MED23: variants seen among roughly 807,000 people sequenced by gnomAD.
MED23 encodes the protein mediator complex subunit 23, also known as mediator of RNA polymerase II transcription subunit 23.
In MED23, 105 loss-of-function variants were observed where a neutral mutation model predicts 163.9. The observed-to-expected ratio is 0.64, with a 90% confidence interval of 0.55 to 0.75. MED23 has a LOEUF of 0.75. MED23 is among the 30% of genes least tolerant of loss of function. The pLI, the probability that MED23 is intolerant of heterozygous loss-of-function variation, is 0.00. For missense variants in MED23, 1,054 were observed against 1,649.0 expected, an observed-to-expected ratio of 0.64 and a Z score of 6.25; for synonymous variants, 561 against 565.6, an observed-to-expected ratio of 0.99 and a Z score of 0.12.
chr6:131,600,304 G>T, intron 17 of MED23, 142 bp from the exon 18 acceptor site: 1 of 821,220 alleles, frequency 1.2e-6, no homozygotes, highest in Non-Finnish European at 1.9e-6. Flanking sequence ...ATTCAGCTTA[G>T]AACCTAAATT....
Position 131,619,840 on chromosome 6 carries a change from T to G in MED23, c.654A>C (p.Ile218=), listed in dbSNP as rs1200476386. The G allele has an allele frequency of 6.2e-7, 1 of 1,609,332 alleles. No individual in the cohort carries two copies. Among genetic ancestry groups the G allele is most frequent in the African/African-American group, 1.3e-5 (1 of 74,830 alleles). Residue 218 remains isoleucine (I), a synonymous_variant, in exon 8 of 29, where the codon ATA becomes ATC. Transcript: ENST00000368068. ...FVDTFRPTAR[I]NSICGRCSLL... is the part of the protein sequence containing the mutation. The stretch of plus-strand genomic sequence containing the variant: ...TTATAATCCTACCACAAATGGAGTT[T>G]ATCCTTGCTGTGGGCCTGAAGGTAT...
intron 4 of MED23, among the ~76,000 whole-genome samples, chr6:131,624,574 T>C (rs1350279190): frequency 1.3e-5 from 2 of 152,212 alleles, no homozygotes; most frequent in African/African-American, 4.8e-5. Flanking sequence ...TATTACTGTT[T>C]TAAGCCATAA....
At chr6:131,583,976 C>CA, downstream of MED23, 1 of 1,550,076 alleles carries the variant, frequency 6.5e-7, no homozygotes, top group Non-Finnish European at 8.9e-7. Flanking sequence ...TTTTCTTAAG[C>CA]ATAGAGTTAT....
chr6:131,621,426 C>T (rs533820921), intron 6 of MED23, among the ~76,000 whole-genome samples: 1 of 151,868 alleles, frequency 6.6e-6, no homozygotes, highest in Non-Finnish European at 1.5e-5. Flanking sequence ...TATTGGGTTT[C>T]AACTGTAGCA....
chr6:131,576,629 A>T (rs769045782), intron 30 of MED23: 2 of 1,579,060 alleles, frequency 1.3e-6, no homozygotes, highest in Non-Finnish European at 1.7e-6. Context: ...TGGTCATGAT[A>T]ATGTCTGAAG....
chr6:131,621,881 C>T lies in MED23; in HGVS notation c.495G>A (p.Glu165=). ...AVVQQLLAAR[E]VIAYILERNA... The stretch of plus-strand genomic sequence containing the variant: ...CGAATTTCAGACATGTCTAAATTAC[C>T]TCTCTTGCTGCCAGAAGCTGCTGTA... The change falls in exon 6 of 29, where the codon GAG becomes GAA. Residue 165 remains glutamate (E), a splice_region_variant and synonymous_variant. Transcript: ENST00000368068. 6.2e-7 allele frequency: 1 copy of T among 1,601,826 alleles called. No individual in the cohort carries two copies. The highest frequency in any genetic ancestry group is 1.1e-5 in the South Asian group (1 of 89,000).
intron 30 of MED23, among the ~76,000 whole-genome samples, chr6:131,580,802 T>G (rs1773881143): frequency 6.6e-6 from 1 of 152,206 alleles, no homozygotes; most frequent in Non-Finnish European, 1.5e-5. Flanking sequence ...CATAATTCAC[T>G]TGAGAGAATT....
Position 131,627,335 on chromosome 6 carries a change from A to G in MED23, c.159+61T>C, listed in dbSNP as rs2114796725. ...ATGAAAGTAAATGTTAAAAGAAAAAAAAAAAAAAAAAGAAGAGGCCAAAAA... is the reference window on the plus strand; with the variant it reads ...ATGAAAGTAAATGTTAAAAGAAAAAGAAAAAAAAAAAGAAGAGGCCAAAAA... On this transcript the variant is annotated intron_variant, in intron 3 of 28. Transcript: ENST00000368068. The G allele has an allele frequency of 5.6e-6, 7 of 1,246,820 alleles. No homozygotes were observed. In the East Asian group the frequency reaches 9.3e-5, roughly 17 times the overall value. The allele number at this position is 1,246,820 out of a possible 1,614,324, so 77.2% of individuals were successfully genotyped here. A position where few individuals can be genotyped will look rare whatever the true frequency, so the allele number is the denominator to read the frequency against.
chr6:131,620,850 T>C, intron 6 of MED23, 121 bp from the exon 7 acceptor site: 1 of 578,144 alleles, frequency 1.7e-6, no homozygotes, highest in Non-Finnish European at 3.0e-6. Flanking sequence ...TGCCCAGGCT[T>C]GGAGTGCAGT....
At chr6:131,605,634 G>T in intron 13 of MED23, 149 bp from the exon 14 acceptor site, 2 of 754,886 alleles carry the variant, frequency 2.6e-6, no homozygotes, top group Non-Finnish European at 4.1e-6. Context: ...GAAATGTACA[G>T]TGGGAATACA....
At chr6:131,612,198 T>G (rs1776325225) in intron 10 of MED23, among the ~76,000 whole-genome samples, 2 of 152,008 alleles carry the variant, frequency 1.3e-5, no homozygotes, top group South Asian at 4.1e-4. Flanking sequence ...TTCCCAGGTG[T>G]TTTTGGTTAA....
Position 131,605,235 on chromosome 6 carries a change from C to T in MED23, c.1613+5G>A. ...CATGGAACCAAATTAATAAAAAGAA[C>T]ATACCTCATTTTGGCATGAACTGTC... On this transcript the variant is annotated splice_donor_5th_base_variant and intron_variant, in intron 14 of 28. Coordinates refer to ENST00000368068, the MANE Select transcript of MED23 (RefSeq NM_004830.4). The T allele has an allele frequency of 6.2e-7, 1 of 1,613,196 alleles. No individual in the cohort carries two copies. The highest frequency in any genetic ancestry group is 1.1e-5 in the South Asian group (1 of 91,066).
chr6:131,607,854 C>T, intron 12 of MED23, 74 bp downstream of exon 12: 3 of 1,531,842 alleles, frequency 2.0e-6, no homozygotes, highest in East Asian at 2.3e-5. Flanking sequence ...CAAAATCACA[C>T]TAAAATCCTT....
rs755492851 is a variant in MED23 at position 131,598,212 on chromosome 6, A to G, written c.2607+75T>C. 7.3e-7 allele frequency: 1 copy of G among 1,365,666 alleles called. No homozygotes were observed. The highest frequency in any genetic ancestry group is 1.0e-6 in the Non-Finnish European group (1 of 957,896). The allele number at this position is 1,365,666 out of a possible 1,614,324, so 84.6% of individuals were successfully genotyped here. A position where few individuals can be genotyped will look rare whatever the true frequency, so the allele number is the denominator to read the frequency against. On this transcript the variant is annotated intron_variant, in intron 20 of 28. Transcript: ENST00000368068. This position sits in a 1 kb window ranked among gnomAD's most constrained non-coding sequence, Gnocchi z 4.7. ...CATTAAATCCTTCAAAGCAATATAG[A>G]GCAGATTGGCATAACATATATTAGT...
downstream of MED23, among the ~76,000 whole-genome samples, chr6:131,584,525 C>T (rs1774103917): frequency 6.6e-6 from 1 of 152,090 alleles, no homozygotes; most frequent in African/African-American, 2.4e-5. Flanking sequence ...TATTTAAACT[C>T]CCTGGCTCTG....
At chr6:131,597,954 G>C (rs554027104) in intron 20 of MED23, among the ~76,000 whole-genome samples, 1 of 152,152 alleles carries the variant, frequency 6.6e-6, no homozygotes, top group Admixed American at 6.5e-5. Flanking sequence ...AACTAGCTGG[G>C]TATGGTAGCA....
chr6:131,582,194 G>A (rs991926107), downstream of MED23, among the ~76,000 whole-genome samples: 15 of 152,146 alleles, frequency 9.9e-5, no homozygotes, highest in African/African-American at 3.1e-4. Context: ...AAAACTAAAC[G>A]TCCTGGAGGA....
At chr6:131,602,103 C>CT in intron 17 of MED23, 115 bp downstream of exon 17, 1 of 1,215,164 alleles carries the variant, frequency 8.2e-7, no homozygotes, top group East Asian at 2.5e-5. Flanking sequence ...AAACAACAGG[C>CT]TTTTTTCAAA....
At position 131,628,125 on chromosome 6, in the gene MED23, A is replaced by AG. The variant is rs1777656784; in HGVS notation, c.-77dup. On this transcript the variant is annotated 5_prime_UTR_variant, in exon 1 of 29. Coordinates refer to ENST00000368068, the MANE Select transcript of MED23 (RefSeq NM_004830.4). Reference sequence around the variant, plus strand: ...ACTCGAGCTCTGGGAATATAGGGGCAGAGGGGCGGAGACCTCTGGAGGAAA... The same window carrying AG: ...ACTCGAGCTCTGGGAATATAGGGGCAGGAGGGGCGGAGACCTCTGGAGGAAA... The AG allele has an allele frequency of 6.5e-7, 1 of 1,529,182 alleles. No individual in the cohort carries two copies. The highest frequency in any genetic ancestry group is 1.4e-5 in the African/African-American group (1 of 73,234). 94.7% of individuals were successfully genotyped at this position (1,529,182 alleles called of 1,614,324 possible). A position where few individuals can be genotyped will look rare whatever the true frequency, so the allele number is the denominator to read the frequency against.
Sources: allele counts gnomAD v4.1 joint callset (sites outside exome capture counted in the v4.1 genomes callset), GRCh38; gene constraint gnomAD v4.1.1; non-coding constraint Gnocchi (gnomAD v3.1); transcripts MANE v1.5; gene names NCBI Gene and HGNC (gene_info 2026-07-23, HGNC 2026-07-21).